Variants in GRIA4 observed in about 807,000 individuals in gnomAD.
GRIA4 encodes the protein glutamate ionotropic receptor AMPA type subunit 4, also known as glutamate receptor 4.
Under a neutral mutation model 104.0 loss-of-function variants are expected in GRIA4, and 34 were observed. The ratio of observed to expected loss-of-function variants is 0.33; its 90% CI spans 0.25 to 0.44. GRIA4 has a LOEUF of 0.44. GRIA4 is among the 20% of genes least tolerant of loss of function. The pLI, the probability that GRIA4 is intolerant of heterozygous loss-of-function variation, is 1.00. For synonymous variants in GRIA4, 386 were observed against 381.9 expected (o/e 1.01, Z -0.13); for missense variants, 750 against 1,096.5 (o/e 0.68, Z 4.46).
chr11:105,831,806 G>A (rs938474240), intron 4 of GRIA4, among the ~76,000 whole-genome samples: 1 of 152,014 alleles, frequency 6.6e-6, no homozygotes, highest in Non-Finnish European at 1.5e-5. Flanking sequence ...GTTATGCTCC[G>A]CATAGCATTG....
intron 3 of GRIA4, among the ~76,000 whole-genome samples, chr11:105,626,475 T>C (rs1371989853): frequency 6.6e-6 from 1 of 152,152 alleles, no homozygotes; most frequent in Non-Finnish European, 1.5e-5. Flanking sequence ...GAAGAGAATG[T>C]TAAGTCACTC....
At chr11:105,748,034 G>A (rs2135678004) in intron 3 of GRIA4, among the ~76,000 whole-genome samples, 1 of 152,214 alleles carries the variant, frequency 6.6e-6, no homozygotes, top group Admixed American at 6.5e-5. Flanking sequence ...TATTTTACTT[G>A]GTAGTTATTA....
At chr11:105,930,624 A>G (rs1947844934) in intron 13 of GRIA4, among the ~76,000 whole-genome samples, 1 of 152,152 alleles carries the variant, frequency 6.6e-6, no homozygotes, top group South Asian at 2.1e-4. Context: ...CTTTAATACT[A>G]TGCTGCATTC....
chr11:105,734,871 T>C (rs989125819), intron 3 of GRIA4, among the ~76,000 whole-genome samples: 1 of 152,310 alleles, frequency 6.6e-6, no homozygotes, highest in South Asian at 2.1e-4. Context: ...TGGGTCAATG[T>C]AAGAGTGAGG....
intron 14 of GRIA4, among the ~76,000 whole-genome samples, chr11:105,946,445 G>A (rs1298289212): frequency 6.6e-6 from 1 of 152,026 alleles, no homozygotes; most frequent in Non-Finnish European, 1.5e-5. Flanking sequence ...AATTAGCTGG[G>A]CATGGTGGTG....
At chr11:105,892,922 G>A (rs1946508098) in intron 6 of GRIA4, among the ~76,000 whole-genome samples, 1 of 152,096 alleles carries the variant, frequency 6.6e-6, no homozygotes, top group African/African-American at 2.4e-5. Context: ...AATGTTACCT[G>A]AATTAAGTAG....
chr11:105,936,555 C>G (rs1209845071), intron 14 of GRIA4, among the ~76,000 whole-genome samples: 1 of 152,168 alleles, frequency 6.6e-6, no homozygotes, highest in Non-Finnish European at 1.5e-5. Context: ...ATCTGTCCTT[C>G]TATTTACACT....
intron 3 of GRIA4, among the ~76,000 whole-genome samples, chr11:105,698,692 C>T (rs990308520): frequency 6.6e-6 from 1 of 152,158 alleles, no homozygotes; most frequent in Admixed American, 6.6e-5. Context: ...GAGGACATAG[C>T]ACTTTGTCTT....
chr11:105,668,239 A>ATATATATATACTATAT (rs1555095738), intron 3 of GRIA4, among the ~76,000 whole-genome samples: 28 of 136,632 alleles, frequency 2.0e-4, no homozygotes, highest in Admixed American at 3.8e-4. Flanking sequence ...ATATATATAT[A>ATATATATATACTATAT]TATATATACT....
Position 105,655,248 on chromosome 11 carries a change from A to G in GRIA4, c.247+42814A>G, listed in dbSNP as rs533580034. On this transcript the variant is annotated intron_variant, in intron 3 of 16. Transcript: ENST00000282499. ...ATAACAAAGTTCTTTGTTTCATATC[A>G]TCATTTTGGATATTATCACTTGAGG... is the stretch of plus-strand genomic sequence containing the variant. Among the ~76,000 whole-genome samples the G allele has an allele frequency of 1.1e-4, 17 of 151,646 alleles. No individual in the cohort carries two copies. The South Asian group carries it at 3.3e-3, about 30-fold the overall frequency.
chr11:105,860,588 C>A (rs1041464708), intron 4 of GRIA4, among the ~76,000 whole-genome samples: 2 of 152,132 alleles, frequency 1.3e-5, no homozygotes, highest in Non-Finnish European at 2.9e-5. Context: ...AGGCTCTGAT[C>A]CTAACCAATC....
At chr11:105,974,473 C>A (rs1413455012) in intron 16 of GRIA4, 29 bp downstream of exon 16, 1 of 1,613,768 alleles carries the variant, frequency 6.2e-7, no homozygotes, top group Non-Finnish European at 8.5e-7. Flanking sequence ...ACTTTTAACC[C>A]AACTTCCTCG....
At position 105,980,517 on chromosome 11, in the gene GRIA4, T is replaced by C. The variant is rs919757241; in HGVS notation, c.*778T>C. On this transcript the variant is annotated 3_prime_UTR_variant, in exon 17 of 17. Transcript: ENST00000282499. ...TATGTCACATGAGTCGATTCACCGA[T>C]TGCATTTGTCTCACAACCAGGAAGA... is the stretch of plus-strand genomic sequence containing the variant. The C allele has an allele frequency of 3.9e-5, 6 of 152,736 alleles. No homozygotes were observed. Among genetic ancestry groups the C allele is most frequent in the Admixed American group, 6.5e-5 (1 of 15,292 alleles). 9.5% of individuals were successfully genotyped at this position (152,736 alleles called of 1,614,324 possible).
chr11:105,981,883 C>T lies in GRIA4; in HGVS notation c.*2144C>T, dbSNP rs757081710. On this transcript the variant is annotated 3_prime_UTR_variant, in exon 17 of 17. Transcript: ENST00000282499. ...ATCCACCACCCCCCTGCCTGTGAGA[C>T]TGAGTTAGGTGCCCTTTTTCATGTC... The T allele has an allele frequency of 6.5e-6, 1 of 152,886 alleles. No homozygotes were observed. Among genetic ancestry groups the T allele is most frequent in the Middle Eastern group, 3.4e-3 (1 of 298 alleles). The allele number at this position is 152,886 out of a possible 1,614,324, so 9.5% of individuals were successfully genotyped here.
intron 3 of GRIA4, among the ~76,000 whole-genome samples, chr11:105,658,362 C>T (rs1284702735): frequency 6.6e-6 from 1 of 151,696 alleles, no homozygotes; most frequent in Non-Finnish European, 1.5e-5. Flanking sequence ...ACATTGTAAA[C>T]ATGAATTTCA....
intron 14 of GRIA4, among the ~76,000 whole-genome samples, chr11:105,958,764 T>C (rs560359165): frequency 1.3e-5 from 2 of 152,264 alleles, no homozygotes; most frequent in South Asian, 2.1e-4. Flanking sequence ...TTCCCTTCCA[T>C]ATTTAGTGTT....
At chr11:105,678,452 G>A (rs1162428020) in intron 3 of GRIA4, among the ~76,000 whole-genome samples, 4 of 151,924 alleles carry the variant, frequency 2.6e-5, no homozygotes. Context: ...TTTTAATTGG[G>A]GAAGCTAATG....
intron 3 of GRIA4, among the ~76,000 whole-genome samples, chr11:105,658,893 C>A (rs1246346887): frequency 6.6e-6 from 1 of 151,856 alleles, no homozygotes; most frequent in Non-Finnish European, 1.5e-5. Context: ...TCTACATTTC[C>A]AAGTCAAGAT....
chr11:105,727,622 G>C (rs542285497), intron 3 of GRIA4, among the ~76,000 whole-genome samples: 1 of 152,254 alleles, frequency 6.6e-6, no homozygotes, highest in South Asian at 2.1e-4. Context: ...AGGGCAGCCA[G>C]AGAGATAAAG....
Sources: gnomAD v4.1 joint callset for allele counts (sites outside exome capture counted in the v4.1 genomes callset) on GRCh38, gnomAD v4.1.1 for gene constraint, MANE v1.5 for transcripts, NCBI Gene and HGNC (gene_info 2026-07-23, HGNC 2026-07-21) for gene names.